The following ILKAP variants were observed in gnomAD, a reference collection of about 807,000 sequenced individuals.
The protein encoded by ILKAP is ILK associated serine/threonine phosphatase, also known as integrin-linked kinase-associated serine/threonine phosphatase 2C.
A neutral mutation model predicts 49.1 loss-of-function variants in ILKAP; 11 were observed. That is an observed-to-expected ratio of 0.22 (90% CI 0.14 to 0.37). The LOEUF is 0.37. Ranked by LOEUF, ILKAP falls within the 10% of genes least tolerant of loss-of-function variation. The probability of loss-of-function intolerance (pLI) is 1.00; values close to 1 mark genes in which losing one functional copy is unlikely to be tolerated. For synonymous variants in ILKAP, 186 were observed against 192.8 expected, an observed-to-expected ratio of 0.96 and a Z score of 0.29; for missense variants, 363 against 510.8, an observed-to-expected ratio of 0.71 and a Z score of 2.79.
chr2:238,193,641 G>T (rs879845892), intron 3 of ILKAP, among the ~76,000 whole-genome samples: 2 of 152,296 alleles, frequency 1.3e-5, no homozygotes, highest in Middle Eastern at 3.4e-3. Context: ...TGAAGATTGA[G>T]AATTCTTATA....
At chr2:238,200,053 A>G (rs1180470211) in intron 1 of ILKAP, among the ~76,000 whole-genome samples, 13 of 152,242 alleles carry the variant, frequency 8.5e-5, no homozygotes, top group Non-Finnish European at 7.3e-5. Context: ...AGTGAAATCA[A>G]GTTACTGGCG....
At chr2:238,193,625 C>T (rs1315938723) in intron 3 of ILKAP, among the ~76,000 whole-genome samples, 2 of 152,228 alleles carry the variant, frequency 1.3e-5, no homozygotes, top group Non-Finnish European at 2.9e-5. Context: ...TATGGGTCTA[C>T]AGCCCTGAAG....
intron 1 of ILKAP, 144 bp from the exon 2 acceptor site, chr2:238,195,014 A>G (rs376406548): frequency 3.2e-6 from 2 of 625,256 alleles, no homozygotes; most frequent in African/African-American, 3.7e-5. Context: ...GCAAATTTTT[A>G]AAACATATTT....
Position 238,203,547 on chromosome 2 carries a change from G to A in ILKAP, c.7C>T (p.Leu3Phe). 1.7e-6 allele frequency: 2 copies of A among 1,176,790 alleles called. No individual in the cohort carries two copies. The highest frequency in any genetic ancestry group is 2.1e-6 in the Non-Finnish European group (2 of 948,992). 72.9% of individuals were successfully genotyped at this position (1,176,790 alleles called of 1,614,324 possible). Residue 3 changes from leucine to phenylalanine, a missense_variant, in exon 1 of 12, where the codon CTC becomes TTC. Leu to Phe is a conservative substitution (Grantham distance 22). This residue lies in a region of ILKAP where 114 missense variants were observed against 116.0 expected (regional missense o/e 0.98). Coordinates refer to ENST00000254654, the MANE Select transcript of ILKAP (RefSeq NM_030768.3). The part of the protein sequence containing the change: MD[L>F]FGDLPEPERS... The stretch of plus-strand genomic sequence containing the variant: ...TCGGGCTCCGGCAGGTCCCCGAAGA[G>A]GTCCATGGCGGAGGCTGGGTGGAGG...
chr2:238,196,433 G>C (rs1185303117), intron 1 of ILKAP, among the ~76,000 whole-genome samples: 1 of 151,926 alleles, frequency 6.6e-6, no homozygotes, highest in East Asian at 1.9e-4. Context: ...CACCATGTTG[G>C]CCAGGTTGGT....
At chr2:238,190,096 A>C in intron 3 of ILKAP, 124 bp from the exon 4 acceptor site, 1 of 913,394 alleles carries the variant, frequency 1.1e-6, no homozygotes, top group Non-Finnish European at 1.6e-6. Context: ...TGGCAGACAC[A>C]GGCAGACCCA....
chr2:238,190,898 A>C (rs1694094535), intron 3 of ILKAP, among the ~76,000 whole-genome samples: 1 of 151,242 alleles, frequency 6.6e-6, no homozygotes, highest in Non-Finnish European at 1.5e-5. Context: ...AAAAAAAAAA[A>C]AAAAAAAGGA....
chr2:238,197,956 G>C (rs1228783128), intron 1 of ILKAP, among the ~76,000 whole-genome samples: 1 of 152,186 alleles, frequency 6.6e-6, no homozygotes, highest in Non-Finnish European at 1.5e-5. Context: ...CACAGAGCCA[G>C]TAAGGAGTGG....
rs970324138 is a variant in ILKAP, at chr2:238,182,319, C to A, written c.715-133G>T. 1.3e-5 allele frequency: 13 copies of A among 1,026,712 alleles called. No homozygotes were observed. In the African/African-American group the frequency reaches 2.1e-4, roughly 16 times the overall value. 63.6% of individuals were successfully genotyped at this position (1,026,712 alleles called of 1,614,324 possible). A position where few individuals can be genotyped will look rare whatever the true frequency, so the allele number is the denominator to read the frequency against. On this transcript the variant is annotated intron_variant, in intron 8 of 11. Coordinates refer to ENST00000254654, the MANE Select transcript of ILKAP (RefSeq NM_030768.3). ...ATGGAGTTTCACATTCAGCCTCCTG[C>A]TGATAAACGTAAGTTCAGAGAATCA...
intron 1 of ILKAP, among the ~76,000 whole-genome samples, chr2:238,198,875 G>T (rs1694455489): frequency 6.6e-6 from 1 of 152,122 alleles, no homozygotes; most frequent in Admixed American, 6.5e-5. Flanking sequence ...TGGCTAAATT[G>T]TTTTTTATAC....
intron 7 of ILKAP, 99 bp from the exon 8 acceptor site, chr2:238,183,839 G>T: frequency 2.9e-6 from 3 of 1,026,044 alleles, no homozygotes; most frequent in South Asian, 3.0e-5. Flanking sequence ...ATTTCAAAAT[G>T]AACCATTTCC....
chr2:238,201,356 T>C (rs551626584), intron 1 of ILKAP, among the ~76,000 whole-genome samples: 25 of 152,310 alleles, frequency 1.6e-4, no homozygotes, highest in African/African-American at 5.1e-4. Flanking sequence ...CAGCTTCCAA[T>C]CATCTACAAA....
At chr2:238,172,755 C>T (rs182374089) in intron 10 of ILKAP, among the ~76,000 whole-genome samples, 5 of 152,352 alleles carry the variant, frequency 3.3e-5, no homozygotes, top group African/African-American at 9.6e-5. Flanking sequence ...GAGGCCCACT[C>T]GCCACAGTGC....
At chr2:238,193,310 T>C (rs1165487317) in intron 3 of ILKAP, among the ~76,000 whole-genome samples, 1 of 152,144 alleles carries the variant, frequency 6.6e-6, no homozygotes, top group Non-Finnish European at 1.5e-5. Flanking sequence ...AACCTCTGCC[T>C]CCTGGGTTCA....
chr2:238,198,969 C>T (rs886983137), intron 1 of ILKAP, among the ~76,000 whole-genome samples: 4 of 152,236 alleles, frequency 2.6e-5, no homozygotes, highest in African/African-American at 7.2e-5. Flanking sequence ...GGACAGGTTC[C>T]GCCACACCCC....
intron 9 of ILKAP, among the ~76,000 whole-genome samples, chr2:238,180,115 G>A (rs1336803912): frequency 2.0e-5 from 3 of 151,820 alleles, no homozygotes; most frequent in Non-Finnish European, 4.4e-5. Flanking sequence ...AGGCTGCGGT[G>A]AGCTGTGATC....
rs1387539046 is a variant in ILKAP at position 238,185,263 on chromosome 2, A to C, written c.450T>G (p.Val150=). The C allele has an allele frequency of 6.2e-7, 1 of 1,613,110 alleles. No homozygotes were observed. The highest frequency in any genetic ancestry group is 1.7e-5 in the Admixed American group (1 of 60,020). ...SLITRVSYFA[V]FDGHGGIRAS... ...CTCGAATTCCTCCATGTCCATCAAA[A>C]ACAGCAAAATATGAAACCCGAGTAC... The change falls in exon 6 of 12, where the codon GTT becomes GTG. Residue 150 remains valine, a synonymous_variant. Transcript: ENST00000254654.
intron 8 of ILKAP, among the ~76,000 whole-genome samples, chr2:238,182,638 C>T (rs762731451): frequency 3.9e-5 from 6 of 152,238 alleles, no homozygotes; most frequent in African/African-American, 9.6e-5. Context: ...CAGGTGTTCT[C>T]GCCCCTGCCA....
intron 1 of ILKAP, among the ~76,000 whole-genome samples, chr2:238,195,558 C>T (rs1694307744): frequency 6.6e-6 from 1 of 152,216 alleles, no homozygotes; most frequent in African/African-American, 2.4e-5. Flanking sequence ...TCTTTTTCCA[C>T]ATAAAATTTA....
Sources: allele counts gnomAD v4.1 joint callset (sites outside exome capture counted in the v4.1 genomes callset), GRCh38; gene constraint gnomAD v4.1.1; regional missense constraint gnomAD v4.1.1; transcripts MANE v1.5; gene names NCBI Gene and HGNC (gene_info 2026-07-23, HGNC 2026-07-21).